The following FAM163A variants were observed in gnomAD, a reference collection of about 807,000 sequenced individuals.
FAM163A encodes protein FAM163A.
FAM163A carries 7 observed loss-of-function variants against 12.0 expected under a neutral mutation model. The ratio of observed to expected loss-of-function variants is 0.58; its 90% CI spans 0.33 to 1.10. The LOEUF (loss-of-function observed/expected upper bound fraction) is 1.10, where lower values mean the gene tolerates loss of function less well. Ranked by LOEUF, FAM163A falls within the 50% of genes least tolerant of loss-of-function variation. The pLI is 0.03. For synonymous variants in FAM163A, 101 were observed against 91.0 expected, an observed-to-expected ratio of 1.11 and a Z score of -0.62; for missense variants, 202 against 218.6, an observed-to-expected ratio of 0.92 and a Z score of 0.48.
chr1:179,737,555 G>T, the FAM163A span, among the ~76,000 whole-genome samples: 2 of 152,190 alleles, frequency 1.3e-5, no homozygotes, highest in East Asian at 1.9e-4. Flanking sequence ...CCAAAAAGCA[G>T]CTGGGCGCGG....
chr1:179,751,959 A>G (rs1403609048), intron 1 of FAM163A, among the ~76,000 whole-genome samples: 2 of 152,214 alleles, frequency 1.3e-5, no homozygotes, highest in Non-Finnish European at 2.9e-5. Context: ...AAAAGCCCTA[A>G]AATTCATATG....
chr1:179,774,490 C>T (rs1163667426), intron 1 of FAM163A, among the ~76,000 whole-genome samples: 4 of 152,206 alleles, frequency 2.6e-5, no homozygotes, highest in South Asian at 4.1e-4. Context: ...CCATAGCCTT[C>T]GTCAGGTTCT....
At chr1:179,799,230 A>G (rs1307242466) in intron 1 of FAM163A, among the ~76,000 whole-genome samples, 2 of 152,210 alleles carry the variant, frequency 1.3e-5, no homozygotes, top group Admixed American at 1.3e-4. Context: ...CTGCATAGGG[A>G]ATCTCAGAAC....
intron 1 of FAM163A, among the ~76,000 whole-genome samples, chr1:179,745,971 A>G (rs1342343552): frequency 1.3e-5 from 2 of 152,228 alleles, no homozygotes; most frequent in African/African-American, 4.8e-5. Flanking sequence ...TAACCCCATT[A>G]GACTCTAGAC....
chr1:179,795,067 A>T (rs542671090), intron 1 of FAM163A, among the ~76,000 whole-genome samples: 7 of 152,292 alleles, frequency 4.6e-5, no homozygotes, highest in Non-Finnish European at 1.0e-4. Flanking sequence ...GCAAGGTGGT[A>T]AGAAGGGGGA....
At chr1:179,732,425 C>T in the FAM163A span, among the ~76,000 whole-genome samples, 83 of 152,200 alleles carry the variant, frequency 5.5e-4, no homozygotes, top group Non-Finnish European at 9.6e-4. Context: ...CAGAACCACA[C>T]ATGTTTTTTG....
chr1:179,782,759 G>A (rs1053981967), intron 1 of FAM163A, among the ~76,000 whole-genome samples: 5 of 152,186 alleles, frequency 3.3e-5, no homozygotes, highest in African/African-American at 9.7e-5. Context: ...TACAGAGGAG[G>A]CAACTGTTTC....
At chr1:179,735,002 T>C in the FAM163A span, among the ~76,000 whole-genome samples, 2 of 152,150 alleles carry the variant, frequency 1.3e-5, no homozygotes, top group African/African-American at 4.8e-5. Context: ...ATATTAAAAG[T>C]TAAAACAAAA....
At chr1:179,730,872 C>G in the FAM163A span, among the ~76,000 whole-genome samples, 1 of 152,108 alleles carries the variant, frequency 6.6e-6, no homozygotes, top group East Asian at 1.9e-4. Flanking sequence ...GTAGGGAAAA[C>G]AACAGGAAAG....
chr1:179,741,951 CTG>C (rs1683706614), upstream of FAM163A: 1 of 152,172 alleles, frequency 6.6e-6, no homozygotes, highest in African/African-American at 2.4e-5. Context: ...TTTCACTTTT[CTG>C]TGTTACAGTT....
intron 1 of FAM163A, among the ~76,000 whole-genome samples, chr1:179,760,476 T>C (rs1686665817): frequency 6.6e-6 from 1 of 152,114 alleles, no homozygotes; most frequent in Non-Finnish European, 1.5e-5. Context: ...ACTGAGAAGG[T>C]GACACCTAAA....
Position 179,765,064 on chromosome 1 carries a change from A to G in FAM163A, c.-136+21641A>G, listed in dbSNP as rs10913882. Among the ~76,000 whole-genome samples, 179 of 152,208 alleles carry G rather than the reference A, an allele frequency of 1.2e-3. 1 individual carries two copies. The highest frequency in any genetic ancestry group is 3.9e-3 in the African/African-American group (163 of 41,546). On this transcript the variant is annotated intron_variant, in intron 1 of 4. Transcript: ENST00000341785. ...TTAGATTTCATCTCAGTGCCCCCCA[A>G]TTTAAATGCACTCCACACGTTGTAG...
chr1:179,802,759 A>G lies in FAM163A; in HGVS notation c.-135-5039A>G, dbSNP rs183432018. On this transcript the variant is annotated intron_variant, in intron 1 of 4. Coordinates refer to ENST00000341785, the MANE Select transcript of FAM163A (RefSeq NM_173509.3). Reference sequence around the variant, plus strand: ...TCCTGCTCCTGACTTTTGCCAATCCAAAGGTAAAAAGTGATAGCTCATTGT... The same window carrying G: ...TCCTGCTCCTGACTTTTGCCAATCCGAAGGTAAAAAGTGATAGCTCATTGT... 2.1e-4 allele frequency among the ~76,000 whole-genome samples: 32 copies of G among 152,304 alleles called. No homozygotes were observed. In the East Asian group the frequency reaches 5.8e-3, roughly 28 times the overall value.
chr1:179,737,550 A>C, the FAM163A span, among the ~76,000 whole-genome samples: 1 of 152,030 alleles, frequency 6.6e-6, no homozygotes, highest in East Asian at 1.9e-4. Flanking sequence ...AAAGACCAAA[A>C]AGCAGCTGGG....
At position 179,813,701 on chromosome 1, in the gene FAM163A, G is replaced by T; in HGVS notation, c.94-78G>T. ...GTTCTCCATGGAGCAGGGGACAGGG[G>T]CACCTGTGCACGCTCAAAAATGCAT... On this transcript the variant is annotated intron_variant, in intron 4 of 4. Transcript: ENST00000341785. 2.6e-6 allele frequency: 4 copies of T among 1,524,014 alleles called. No individual in the cohort carries two copies. The South Asian group carries it at 4.9e-5, about 19-fold the overall frequency. 94.4% of individuals were successfully genotyped at this position (1,524,014 alleles called of 1,614,324 possible).
intron 1 of FAM163A, among the ~76,000 whole-genome samples, chr1:179,757,769 G>A (rs191492488): frequency 1.4e-4 from 21 of 152,288 alleles, no homozygotes; most frequent in Admixed American, 1.1e-3. Flanking sequence ...CCGAGATTGC[G>A]CCACTGCACT....
At chr1:179,739,323 C>G (rs1243565246), upstream of FAM163A, among the ~76,000 whole-genome samples, 12 of 152,074 alleles carry the variant, frequency 7.9e-5, no homozygotes, top group Admixed American at 7.2e-4. Context: ...TAGACCTTAT[C>G]AAAATTTAAA....
the FAM163A span, among the ~76,000 whole-genome samples, chr1:179,728,296 T>C: frequency 2.0e-5 from 3 of 152,336 alleles, no homozygotes; most frequent in East Asian, 5.8e-4. Flanking sequence ...CAGTTGTGAA[T>C]GACTGTATCT....
At chr1:179,736,123 A>G in the FAM163A span, among the ~76,000 whole-genome samples, 1 of 152,212 alleles carries the variant, frequency 6.6e-6, no homozygotes, top group Admixed American at 6.5e-5. Context: ...GGTTTTGGCA[A>G]TGATTTCTTG....
Sources: allele counts gnomAD v4.1 joint callset (sites outside exome capture counted in the v4.1 genomes callset), GRCh38; gene constraint gnomAD v4.1.1; transcripts MANE v1.5; gene names NCBI Gene and HGNC (gene_info 2026-07-23, HGNC 2026-07-21).